The following CASP8 variants were observed in gnomAD, a reference collection of about 807,000 sequenced individuals.
The protein encoded by CASP8 is caspase-8.
A neutral mutation model predicts 46.3 loss-of-function variants in CASP8; 24 were observed. The observed-to-expected ratio is 0.52, with a 90% CI of 0.38 to 0.73. The LOEUF is 0.73. Ranked by LOEUF, CASP8 falls within the 30% of genes least tolerant of loss-of-function variation. The pLI is 0.00. For synonymous variants in CASP8, 188 were observed against 200.4 expected, an observed-to-expected ratio of 0.94 and a Z score of 0.52; for missense variants, 460 against 559.0, an observed-to-expected ratio of 0.82 and a Z score of 1.79.
At chr2:201,238,965 G>A (rs1946176052) in intron 2 of CASP8, among the ~76,000 whole-genome samples, 1 of 151,818 alleles carries the variant, frequency 6.6e-6, no homozygotes. Context: ...GAGTGGTGAT[G>A]ACTCTTAAGG....
In CASP8 at chr2:201,272,658, A is replaced by G. The variant is rs149933993; in HGVS notation, c.432A>G (p.Ile144Met). 499 of 1,614,154 alleles carry G rather than the reference A, an allele frequency of 3.1e-4. 3 individuals carry two copies. In the Middle Eastern group the frequency reaches 0.014, roughly 45 times the overall value. Residue 144 changes from isoleucine to methionine, a missense_variant, in exon 4 of 9, where the codon ATA becomes ATG. Ile to Met is a conservative substitution (Grantham distance 10). Transcript: ENST00000673742. The surrounding 1 kb of genome is among the most constrained non-coding windows in gnomAD (Gnocchi z 4.4). ...DDDMNLLDIF[I>M]EMEKRVILGE... The stretch of plus-strand genomic sequence containing the variant: ...CTTAGAACCTGCTGGATATTTTCAT[A>G]GAGATGGAGAAGAGGGTCATCCTGG...
chr2:201,262,429 A>G (rs542721053), intron 1 of CASP8: 17 of 151,722 alleles, frequency 1.1e-4, no homozygotes, highest in African/African-American at 3.6e-4. Context: ...AATAATAAAT[A>G]TACTTATGTA....
intron 2 of CASP8, among the ~76,000 whole-genome samples, chr2:201,249,408 T>G (rs1946675696): frequency 6.6e-6 from 1 of 152,250 alleles, no homozygotes; most frequent in South Asian, 2.1e-4. Context: ...TAATGGATTA[T>G]TTTTTAAGAA....
chr2:201,234,392 G>A (rs1945953498), intron 2 of CASP8, among the ~76,000 whole-genome samples: 2 of 152,142 alleles, frequency 1.3e-5, no homozygotes, highest in South Asian at 4.1e-4. Context: ...GGGGATACTG[G>A]GTAGTACGCA....
At chr2:201,277,509 T>C (rs1948711255) in intron 7 of CASP8, among the ~76,000 whole-genome samples, 1 of 152,300 alleles carries the variant, frequency 6.6e-6, no homozygotes, top group East Asian at 1.9e-4. Context: ...AAAAAGTGAC[T>C]ACAACAACAA....
At chr2:201,254,598 T>G (rs1489770507) in intron 2 of CASP8, among the ~76,000 whole-genome samples, 1 of 152,208 alleles carries the variant, frequency 6.6e-6, no homozygotes, top group African/African-American at 2.4e-5. Flanking sequence ...CAGGGGATTT[T>G]GCTTTCACTG....
chr2:201,246,247 AAGAC>A (rs1946515228), intron 2 of CASP8, among the ~76,000 whole-genome samples: 1 of 152,164 alleles, frequency 6.6e-6, no homozygotes, highest in African/African-American at 2.4e-5. Flanking sequence ...TGGGAATAAA[AAGAC>A]AGCCCAGGGC....
intron 2 of CASP8, chr2:201,242,157 A>G (rs1238119179): frequency 6.6e-6 from 1 of 152,218 alleles, no homozygotes; most frequent in African/African-American, 2.4e-5. Context: ...TTACAAAGCT[A>G]TAGTAATTGA....
chr2:201,253,704 G>A (rs925681719), intron 2 of CASP8, among the ~76,000 whole-genome samples: 20 of 152,048 alleles, frequency 1.3e-4, no homozygotes, highest in East Asian at 5.8e-4. Flanking sequence ...TATTCTTAGC[G>A]TCTGAGGTGC....
chr2:201,282,687 G>C (rs1171049873), intron 7 of CASP8, among the ~76,000 whole-genome samples: 3 of 78,442 alleles, frequency 3.8e-5, no homozygotes, highest in Middle Eastern at 0.01. Flanking sequence ...CTGGCCGGGC[G>C]GGGGGCTGTT....
chr2:201,268,671 C>G (rs1228537540), intron 2 of CASP8, among the ~76,000 whole-genome samples: 2 of 152,172 alleles, frequency 1.3e-5, no homozygotes, highest in Non-Finnish European at 2.9e-5. Context: ...TTCTGGAGGC[C>G]TGAGTCAGAA....
At chr2:201,234,399 C>T (rs1945953664) in intron 2 of CASP8, among the ~76,000 whole-genome samples, 2 of 152,102 alleles carry the variant, frequency 1.3e-5, no homozygotes, top group South Asian at 4.1e-4. Context: ...CTGGGTAGTA[C>T]GCAGACATTA....
chr2:201,234,596 C>T (rs1945966342), intron 2 of CASP8, among the ~76,000 whole-genome samples: 1 of 151,632 alleles, frequency 6.6e-6, no homozygotes, highest in Non-Finnish European at 1.5e-5. Context: ...ATTACAGGCA[C>T]CTGCTTCCAT....
intron 2 of CASP8, among the ~76,000 whole-genome samples, chr2:201,237,041 A>G (rs1052412632): frequency 2.0e-5 from 3 of 149,808 alleles, no homozygotes; most frequent in Admixed American, 2.0e-4. Flanking sequence ...GATTCTTTTC[A>G]GTGCGTCTGT....
At chr2:201,258,299 C>T (rs781595738), upstream of CASP8, 1 of 1,614,022 alleles carries the variant, frequency 6.2e-7, no homozygotes, top group East Asian at 2.2e-5. Flanking sequence ...GGAGCCTTTC[C>T]CACCCCCTTC....
At chr2:201,242,862 A>G (rs1426674168) in intron 2 of CASP8, 1 of 152,336 alleles carries the variant, frequency 6.6e-6, no homozygotes, top group African/African-American at 2.4e-5. Flanking sequence ...GGGAAAGAAA[A>G]TGTGGTAGTC....
chr2:201,279,420 C>G (rs1053245413), intron 7 of CASP8, among the ~76,000 whole-genome samples: 1 of 152,182 alleles, frequency 6.6e-6, no homozygotes, highest in Non-Finnish European at 1.5e-5. Flanking sequence ...AAGACACTGG[C>G]AGCAGATACA....
chr2:201,269,361 C>A, intron 2 of CASP8: 1 of 631,654 alleles, frequency 1.6e-6, no homozygotes. Flanking sequence ...TCAACCAGTA[C>A]ACTAGATAGC....
Position 201,285,306 on chromosome 2 carries a change from G to A in CASP8, c.1293G>A (p.Glu431=). 1.9e-6 allele frequency: 3 copies of A among 1,613,608 alleles called. No individual in the cohort carries two copies. The highest frequency in any genetic ancestry group is 2.5e-6 in the Non-Finnish European group (3 of 1,180,014). Residue 431 remains glutamate (E), a synonymous_variant, in exon 8 of 9, where the codon GAG becomes GAA. Transcript: ENST00000673742. ...AGTCACTTTGCCAGAGCCTGAGAGA[G>A]CGATGTCCTCGGTAAGTTTTGCCTA... The part of the protein sequence containing the change: ...YIQSLCQSLR[E]RCPRGDDILT...
Sources: allele counts gnomAD v4.1 joint callset (sites outside exome capture counted in the v4.1 genomes callset), GRCh38; gene constraint gnomAD v4.1.1; non-coding constraint Gnocchi (gnomAD v3.1); transcripts MANE v1.5; gene names NCBI Gene and HGNC (gene_info 2026-07-23, HGNC 2026-07-21).